RNF111: variants seen among roughly 807,000 people sequenced by gnomAD.
The protein encoded by RNF111 is E3 ubiquitin-protein ligase Arkadia.
A neutral mutation model predicts 95.1 loss-of-function variants in RNF111; 17 were observed. The ratio of observed to expected loss-of-function variants is 0.18; its 90% CI spans 0.12 to 0.27. The LOEUF (loss-of-function observed/expected upper bound fraction) is 0.27, where lower values mean the gene tolerates loss of function less well. RNF111 is among the 10% of genes least tolerant of loss of function. RNF111 has a pLI of 1.00. For synonymous variants in RNF111, 440 were observed against 414.8 expected (o/e 1.06, Z -0.74); for missense variants, 1,189 against 1,210.4 (o/e 0.98, Z 0.26).
Position 59,067,270 on chromosome 15 carries a change from TTCCTTCCTTTCCTCTCTTCCCC to T in RNF111, c.1686+197_1686+218del, listed in dbSNP as rs531857190. 4.5e-4 allele frequency among the ~76,000 whole-genome samples: 67 copies of T among 149,760 alleles called. No individual in the cohort carries two copies. The South Asian group carries it at 5.3e-3, about 12-fold the overall frequency. On this transcript the variant is annotated intron_variant, in intron 6 of 13. Transcript: ENST00000348370. The stretch of plus-strand genomic sequence containing the variant: ...TTTTTTTTTTAACTCCCTCCCATTC[TTCCTTCCTTTCCTCTCTTCCCC>T]TCCTTCCTTCCCTCTCTTCCCTTTC...
intron 1 of RNF111, among the ~76,000 whole-genome samples, chr15:59,025,957 C>T (rs1417586370): frequency 6.6e-6 from 1 of 151,848 alleles, no homozygotes; most frequent in African/African-American, 2.4e-5. Flanking sequence ...CTCGAACTCC[C>T]AACCTCAGGT....
chr15:58,989,371 A>G (rs2038707853), intron 1 of RNF111, among the ~76,000 whole-genome samples: 1 of 152,236 alleles, frequency 6.6e-6, no homozygotes, highest in Non-Finnish European at 1.5e-5. Context: ...TGGACAAATG[A>G]CTTTATCATC....
intron 1 of RNF111, among the ~76,000 whole-genome samples, chr15:59,027,205 C>A (rs112323787): frequency 1.6e-4 from 24 of 152,196 alleles, no homozygotes; most frequent in African/African-American, 5.8e-4. Flanking sequence ...ATTTTTAAAT[C>A]TTCAGCCCAT....
At chr15:59,053,078 T>C (rs767447416) in intron 3 of RNF111, among the ~76,000 whole-genome samples, 2 of 152,196 alleles carry the variant, frequency 1.3e-5, no homozygotes, top group African/African-American at 2.4e-5. Flanking sequence ...ATGTTACTCA[T>C]TGATACCAGT....
chr15:59,076,597 C>A (rs2078571306), intron 7 of RNF111, among the ~76,000 whole-genome samples: 1 of 152,202 alleles, frequency 6.6e-6, no homozygotes, highest in South Asian at 2.1e-4. Context: ...TGATGGCTCA[C>A]TCCTGTAATC....
At chr15:59,083,970 A>G in intron 8 of RNF111, 159 bp from the exon 9 acceptor site, 1 of 490,024 alleles carries the variant, frequency 2.0e-6, no homozygotes, top group Non-Finnish European at 3.0e-6. Flanking sequence ...TTATTAACAA[A>G]TAATTTTATA....
In RNF111 at chr15:59,081,002, C is replaced by A; in HGVS notation, c.2015C>A (p.Pro672His). 6.2e-7 allele frequency: 1 copy of A among 1,614,156 alleles called. No individual in the cohort carries two copies. ...TGCCCGCATTCTCATGGAAACCCCC[C>A]TCCTCAGACTCAGCCTCCGCCTCAA... ...SACPHSHGNP[P>H]PQTQPPPQVD... The change falls in exon 8 of 14, where the codon CCT becomes CAT. Residue 672 changes from proline to histidine, a missense_variant. Pro to His is a moderately conservative substitution (Grantham distance 77, BLOSUM62 -2). Transcript: ENST00000348370.
At position 59,096,919 on chromosome 15, in the gene RNF111, C is replaced by T. The variant is rs142488594; in HGVS notation, c.*2019C>T. The stretch of plus-strand genomic sequence containing the variant: ...ATACAAGTAAAGCACAGGTGGATTT[C>T]TCTATTTTTGAATACTACATCAGAT... On this transcript the variant is annotated 3_prime_UTR_variant, in exon 14 of 14. Coordinates refer to ENST00000348370, the MANE Select transcript of RNF111 (RefSeq NM_017610.8). 3.3e-5 allele frequency: 5 copies of T among 152,292 alleles called. No homozygotes were observed. In the East Asian group the frequency reaches 9.6e-4, roughly 29 times the overall value. The allele number at this position is 152,292 out of a possible 1,614,324, so 9.4% of individuals were successfully genotyped here. A position where few individuals can be genotyped will look rare whatever the true frequency, so the allele number is the denominator to read the frequency against.
chr15:59,038,035 T>C (rs1237434780), intron 2 of RNF111, among the ~76,000 whole-genome samples: 5 of 152,218 alleles, frequency 3.3e-5, no homozygotes, highest in Admixed American at 3.3e-4. Context: ...TTAACTTATT[T>C]ACATATAAGA....
chr15:59,067,314 TTTCCTCTTCCCC>T (rs1314362719), intron 6 of RNF111, among the ~76,000 whole-genome samples: 1 of 149,586 alleles, frequency 6.7e-6, no homozygotes, highest in Non-Finnish European at 1.5e-5. Flanking sequence ...CTCTCTTCCC[TTTCCTCTTCCCC>T]TTCATTCCTT....
chr15:59,028,893 C>G (rs139422991), intron 1 of RNF111, among the ~76,000 whole-genome samples: 212 of 152,054 alleles, frequency 1.4e-3, no homozygotes, highest in African/African-American at 4.5e-3. Flanking sequence ...GATTCTCATG[C>G]TTCAGCCTCC....
In RNF111 at chr15:58,995,883, C is replaced by G. The variant is rs145446342; in HGVS notation, c.-20+7815C>G. Reference sequence around the variant, plus strand: ...TGGAATGAGCCGTTTTCCATGGAACCCTGGTTCCTTTTAGTGAGCAATCCA... The same window carrying G: ...TGGAATGAGCCGTTTTCCATGGAACGCTGGTTCCTTTTAGTGAGCAATCCA... On this transcript the variant is annotated intron_variant, in intron 1 of 13. Transcript: ENST00000348370. Among the ~76,000 whole-genome samples the G allele has an allele frequency of 3.6e-3, 547 of 151,448 alleles. 5 individuals are homozygous for G. Among genetic ancestry groups the G allele is most frequent in the African/African-American group, 0.012 (507 of 41,270 alleles).
At chr15:59,071,589 G>GT (rs2042929505) in intron 6 of RNF111, among the ~76,000 whole-genome samples, 1 of 151,724 alleles carries the variant, frequency 6.6e-6, no homozygotes, top group Admixed American at 6.6e-5. Flanking sequence ...GCTTCTTGTG[G>GT]GTGGCTGAGG....
Position 59,088,527 on chromosome 15 carries a change from G to T in RNF111, c.2551-1140G>T, listed in dbSNP as rs374457484. Among the ~76,000 whole-genome samples, 9 of 152,286 alleles carry T rather than the reference G, an allele frequency of 5.9e-5. No homozygotes were observed. The East Asian group carries it at 1.3e-3, about 23-fold the overall frequency. ...AGTGTCCGTTAAAGCTATAAATTCT[G>T]CTTAAAGTATGTTGTGATTCAGTGT... On this transcript the variant is annotated intron_variant, in intron 10 of 13. Coordinates refer to ENST00000348370, the MANE Select transcript of RNF111 (RefSeq NM_017610.8).
chr15:59,018,904 TA>T (rs2040196983), intron 1 of RNF111, among the ~76,000 whole-genome samples: 2 of 152,082 alleles, frequency 1.3e-5, no homozygotes, highest in Admixed American at 6.6e-5. Flanking sequence ...TTTGTGCATA[TA>T]ACTGTATATT....
chr15:59,068,467 G>A (rs537156659), intron 6 of RNF111, among the ~76,000 whole-genome samples: 1 of 151,776 alleles, frequency 6.6e-6, no homozygotes. Context: ...TTAGCTGGGT[G>A]TGATGGTGTG....
intron 1 of RNF111, among the ~76,000 whole-genome samples, chr15:59,000,433 C>G (rs780134458): frequency 6.6e-6 from 1 of 151,944 alleles, no homozygotes; most frequent in Admixed American, 6.6e-5. Flanking sequence ...ACCTCAGGAC[C>G]GGGCCTGGTG....
chr15:59,017,919 A>G (rs1312939331), intron 1 of RNF111, among the ~76,000 whole-genome samples: 1 of 151,710 alleles, frequency 6.6e-6, no homozygotes. Flanking sequence ...CATCATGCCC[A>G]GCTAATTTTT....
intron 8 of RNF111, among the ~76,000 whole-genome samples, chr15:59,082,161 C>T (rs1284720938): frequency 2.0e-5 from 3 of 152,208 alleles, no homozygotes; most frequent in East Asian, 3.8e-4. Context: ...CCTTCCCCTG[C>T]CTTTCCCTAA....
Sources: gnomAD v4.1 joint callset for allele counts (sites outside exome capture counted in the v4.1 genomes callset) on GRCh38, gnomAD v4.1.1 for gene constraint, MANE v1.5 for transcripts, NCBI Gene and HGNC (gene_info 2026-07-23, HGNC 2026-07-21) for gene names.